Variants in KCNIP4 observed in about 807,000 individuals in gnomAD.
KCNIP4 encodes Kv channel-interacting protein 4.
A neutral mutation model predicts 34.0 loss-of-function variants in KCNIP4; 12 were observed. The ratio of observed to expected loss-of-function variants is 0.35; its 90% CI spans 0.23 to 0.57. The LOEUF (loss-of-function observed/expected upper bound fraction) is 0.57. Among genes scored for constraint, KCNIP4 ranks in the 20% least tolerant of loss-of-function variants. The probability of loss-of-function intolerance (pLI) is 0.83; values close to 1 mark genes in which losing one functional copy is unlikely to be tolerated. For missense variants in KCNIP4, 238 were observed against 311.7 expected, an observed-to-expected ratio of 0.76 and a Z score of 1.78; for synonymous variants, 124 against 102.2, an observed-to-expected ratio of 1.21 and a Z score of -1.29.
At chr4:21,836,064 T>C (rs1723299487) in intron 1 of KCNIP4, among the ~76,000 whole-genome samples, 1 of 152,126 alleles carries the variant, frequency 6.6e-6, no homozygotes, top group Non-Finnish European at 1.5e-5. Context: ...AGGAACCTCT[T>C]TGGGTGGACT....
At chr4:21,466,530 A>T (rs1433910296) in intron 1 of KCNIP4, among the ~76,000 whole-genome samples, 5 of 152,200 alleles carry the variant, frequency 3.3e-5, no homozygotes, top group Admixed American at 3.3e-4. Flanking sequence ...TCACAATGAT[A>T]AGCTGTGGCA....
chr4:21,415,285 C>T (rs1458707462), intron 1 of KCNIP4, among the ~76,000 whole-genome samples: 1 of 151,924 alleles, frequency 6.6e-6, no homozygotes, highest in Non-Finnish European at 1.5e-5. Context: ...ATGGTGGTTG[C>T]CAGGGGCTGG....
At chr4:20,738,398 C>T (rs1750217967) in intron 5 of KCNIP4, among the ~76,000 whole-genome samples, 1 of 152,008 alleles carries the variant, frequency 6.6e-6, no homozygotes, top group African/African-American at 2.4e-5. Context: ...GGGGAGTGTG[C>T]CAAAAGATTT....
chr4:20,757,716 T>C (rs1326427615), intron 4 of KCNIP4, among the ~76,000 whole-genome samples: 2 of 152,194 alleles, frequency 1.3e-5, no homozygotes, highest in Non-Finnish European at 2.9e-5. Context: ...CGAAAGACTA[T>C]ACACTTTGGA....
chr4:21,943,266 T>C (rs958416222), intron 1 of KCNIP4, among the ~76,000 whole-genome samples: 3 of 152,072 alleles, frequency 2.0e-5, no homozygotes, highest in Admixed American at 6.6e-5. Flanking sequence ...GAATAATTAT[T>C]TGGGGAGGAG....
intron 1 of KCNIP4, among the ~76,000 whole-genome samples, chr4:21,381,633 T>C (rs1156251741): frequency 6.6e-6 from 1 of 152,226 alleles, no homozygotes; most frequent in African/African-American, 2.4e-5. Context: ...ATTGATTTAT[T>C]CTTAGTTTTA....
intron 1 of KCNIP4, among the ~76,000 whole-genome samples, chr4:21,757,001 G>A (rs1717575515): frequency 6.6e-6 from 1 of 151,244 alleles, no homozygotes; most frequent in Non-Finnish European, 1.5e-5. Context: ...GGAGGCTGAG[G>A]CAGCAGAATC....
chr4:21,138,679 G>A (rs1243624695), intron 1 of KCNIP4, among the ~76,000 whole-genome samples: 1 of 151,980 alleles, frequency 6.6e-6, no homozygotes, highest in Non-Finnish European at 1.5e-5. Flanking sequence ...ATTACCTTAA[G>A]GATCTTGAAA....
intron 1 of KCNIP4, among the ~76,000 whole-genome samples, chr4:21,580,260 A>C (rs1741108712): frequency 6.6e-6 from 1 of 152,076 alleles, no homozygotes; most frequent in African/African-American, 2.4e-5. Context: ...CTTTGATACT[A>C]ATACTATCAC....
At chr4:21,946,195 T>C (rs932652771) in intron 1 of KCNIP4, among the ~76,000 whole-genome samples, 2 of 152,008 alleles carry the variant, frequency 1.3e-5, no homozygotes, top group African/African-American at 4.8e-5. Context: ...GTTCTATCTC[T>C]AAGTCAGGTC....
chr4:21,074,468 G>A (rs1180609586), intron 1 of KCNIP4, among the ~76,000 whole-genome samples: 1 of 152,118 alleles, frequency 6.6e-6, no homozygotes, highest in Non-Finnish European at 1.5e-5. Flanking sequence ...GTATTTCTGT[G>A]GGATCGGTGG....
chr4:21,381,124 C>G (rs964943529), intron 1 of KCNIP4, among the ~76,000 whole-genome samples: 19 of 152,164 alleles, frequency 1.2e-4, no homozygotes, highest in African/African-American at 4.6e-4. Context: ...TGTTCTGTGC[C>G]TTCGTTAATA....
intron 1 of KCNIP4, among the ~76,000 whole-genome samples, chr4:21,046,857 T>G (rs184074372): frequency 6.6e-6 from 1 of 152,278 alleles, no homozygotes; most frequent in Admixed American, 6.5e-5. Flanking sequence ...CCTTCCAAAG[T>G]GCTGGGATTA....
intron 1 of KCNIP4, among the ~76,000 whole-genome samples, chr4:21,283,592 C>T (rs1227207640): frequency 1.5e-5 from 2 of 136,006 alleles, no homozygotes; most frequent in African/African-American, 5.6e-5. Flanking sequence ...TGAACTAGTC[C>T]ATGTGAAAAT....
chr4:21,616,544 C>A (rs1744622356), intron 1 of KCNIP4, among the ~76,000 whole-genome samples: 1 of 152,180 alleles, frequency 6.6e-6, no homozygotes, highest in Admixed American at 6.5e-5. Context: ...GATTTACTTT[C>A]TCTTCATGTT....
chr4:21,697,803 C>T (rs917309183), intron 1 of KCNIP4: 59 of 303,022 alleles, frequency 1.9e-4, no homozygotes, highest in African/African-American at 1.2e-3. Flanking sequence ...CAGAGGGAGG[C>T]GGGGCCTGCG....
chr4:21,300,998 A>G (rs1014511956), intron 1 of KCNIP4, among the ~76,000 whole-genome samples: 1 of 152,136 alleles, frequency 6.6e-6, no homozygotes, highest in Admixed American at 6.6e-5. Flanking sequence ...TTGTGCTCCA[A>G]CTACTATTTT....
rs544253225 is a variant in KCNIP4, at chr4:21,755,646, A to G, written c.61+192925T>C. ...GCACCCATACATTTATTTAGACATAACTAATGGACTTCCCAAGCATGGATA... is the reference window on the plus strand; with the variant it reads ...GCACCCATACATTTATTTAGACATAGCTAATGGACTTCCCAAGCATGGATA... On this transcript the variant is annotated intron_variant, in intron 1 of 8. Transcript: ENST00000382152. Among the ~76,000 whole-genome samples the G allele has an allele frequency of 3.3e-5, 5 of 152,304 alleles. No homozygotes were observed. In the South Asian group the frequency reaches 1.0e-3, roughly 32 times the overall value.
intron 3 of KCNIP4, among the ~76,000 whole-genome samples, chr4:20,781,554 G>T (rs995084297): frequency 2.0e-5 from 3 of 152,120 alleles, no homozygotes; most frequent in African/African-American, 7.2e-5. Context: ...CTTACATGGT[G>T]GCAGCAAGAG....
Sources: gnomAD v4.1 joint callset for allele counts (sites outside exome capture counted in the v4.1 genomes callset) on GRCh38, gnomAD v4.1.1 for gene constraint, MANE v1.5 for transcripts, NCBI Gene and HGNC (gene_info 2026-07-23, HGNC 2026-07-21) for gene names.